BBS7: variants seen among roughly 807,000 people sequenced by gnomAD.
The protein encoded by BBS7 is BBSome complex member BBS7.
Under a neutral mutation model 90.3 loss-of-function variants are expected in BBS7, and 50 were observed. The ratio of observed to expected loss-of-function variants is 0.55; its 90% CI spans 0.44 to 0.70. The LOEUF (loss-of-function observed/expected upper bound fraction) is 0.70. BBS7 is among the 30% of genes least tolerant of loss of function. BBS7 has a pLI of 0.00. For missense variants in BBS7, 729 were observed against 838.9 expected (o/e 0.87, Z 1.62); for synonymous variants, 235 against 287.4 (o/e 0.82, Z 1.85).
At chr4:121,865,903 A>AT (rs1176073370) in intron 2 of BBS7, among the ~76,000 whole-genome samples, 1 of 152,090 alleles carries the variant, frequency 6.6e-6, no homozygotes, top group Non-Finnish European at 1.5e-5. Context: ...TGTCTTTTTG[A>AT]TAACAGCCAT....
chr4:121,851,300 T>G, intron 8 of BBS7, among the ~76,000 whole-genome samples: 1 of 151,774 alleles, frequency 6.6e-6, no homozygotes, highest in South Asian at 2.1e-4. Context: ...TGAAATTCAT[T>G]TATCTTATGT....
chr4:121,845,704 A>AAAACACAT lies in BBS7; in HGVS notation c.1038-16_1038-9dup. Reference sequence around the variant, plus strand: ...AAATGTTCCAACTCATTCCTGGAGAAAAACACATACAAATTTGTCAAATAT... The same window carrying AAAACACAT: ...AAATGTTCCAACTCATTCCTGGAGAAAAACACATAAACACATACAAATTTGTCAAATAT... On this transcript the variant is annotated splice_polypyrimidine_tract_variant and intron_variant, in intron 10 of 18. Transcript: ENST00000264499. The AAAACACAT allele has an allele frequency of 6.2e-7, 1 of 1,608,306 alleles. No individual in the cohort carries two copies. The highest frequency in any genetic ancestry group is 8.5e-7 in the Non-Finnish European group (1 of 1,175,324).
Position 121,828,679 on chromosome 4 carries a change from G to C in BBS7, c.1726C>G (p.Leu576Val). Residue 576 changes from leucine to valine, a missense_variant, in exon 16 of 19, where the codon CTA becomes GTA. Physicochemically the swap from Leu to Val is conservative, Grantham distance 32 (BLOSUM62 1). Transcript: ENST00000264499. The stretch of plus-strand genomic sequence containing the variant: ...GCTTCTTTAGAAAGCACATCTTTTA[G>C]GATGGAGATAGTAGAAATGTTGTCA... Reference protein sequence around the residue: ...KSDNISTISILKDVLSKEATK... With the variant: ...KSDNISTISIVKDVLSKEATK... The C allele has an allele frequency of 6.2e-7, 1 of 1,609,470 alleles. No homozygotes were observed. The highest frequency in any genetic ancestry group is 2.2e-5 in the East Asian group (1 of 44,696).
In BBS7 at chr4:121,835,205, G is replaced by A. The variant is rs747889031; in HGVS notation, c.1450C>T (p.Arg484Cys). ...GAAAGAGGTTTGATGTGGTACTGGCGGACCTGACAGGTTTTGGGTTGAATT... is the reference window on the plus strand; with the variant it reads ...GAAAGAGGTTTGATGTGGTACTGGCAGACCTGACAGGTTTTGGGTTGAATT... ...PRIQPKTCQV[R>C]QYHIKPLSLH... Residue 484 changes from arginine (R) to cysteine (C), a missense_variant, in exon 14 of 19, where the codon CGC becomes TGC. Arg to Cys is a radical substitution (Grantham distance 180). Transcript: ENST00000264499. The A allele has an allele frequency of 9.9e-6, 16 of 1,613,722 alleles. No individual in the cohort carries two copies. The highest frequency in any genetic ancestry group is 1.6e-4 in the Middle Eastern group (1 of 6,082).
At chr4:121,859,696 T>C (rs977790857) in intron 4 of BBS7, among the ~76,000 whole-genome samples, 3 of 152,122 alleles carry the variant, frequency 2.0e-5, no homozygotes, top group Non-Finnish European at 2.9e-5. Context: ...GTTAGCTTTC[T>C]TACTACCACA....
intron 6 of BBS7, 135 bp downstream of exon 6, chr4:121,855,354 C>A: frequency 1.2e-6 from 1 of 813,676 alleles, no homozygotes; most frequent in Non-Finnish European, 2.1e-6. Context: ...AGTTCAATAA[C>A]TCGTGCTGTT....
chr4:121,826,858 C>T (rs1724937716), intron 18 of BBS7, among the ~76,000 whole-genome samples: 2 of 152,082 alleles, frequency 1.3e-5, no homozygotes, highest in African/African-American at 4.8e-5. Context: ...GTGGCGCACA[C>T]CTGTAATCGC....
At chr4:121,840,435 G>A (rs1294439387) in intron 12 of BBS7, among the ~76,000 whole-genome samples, 1 of 152,186 alleles carries the variant, frequency 6.6e-6, no homozygotes, top group East Asian at 1.9e-4. Context: ...ATACACCAGA[G>A]TTTAATATTG....
At chr4:121,826,023 A>C in intron 18 of BBS7, 30 bp from the exon 19 acceptor site, 1 of 1,544,940 alleles carries the variant, frequency 6.5e-7, no homozygotes, top group Non-Finnish European at 8.9e-7. Context: ...ATTTCCTGTC[A>C]GTGATTAGTT....
chr4:121,832,758 A>C (rs192552980), intron 15 of BBS7, among the ~76,000 whole-genome samples: 2 of 152,340 alleles, frequency 1.3e-5, no homozygotes, highest in African/African-American at 4.8e-5. Context: ...TTTTATTGGA[A>C]TTAGGATAAA....
intron 7 of BBS7, 70 bp downstream of exon 7, chr4:121,854,634 A>G (rs1371762562): frequency 2.1e-6 from 3 of 1,422,214 alleles, no homozygotes; most frequent in Non-Finnish European, 1.9e-6. Context: ...ATAAAATAGA[A>G]TAAATTATAT....
In BBS7 at chr4:121,869,904, T is replaced by C. The variant is rs146786562; in HGVS notation, c.36+374A>G. Among the ~76,000 whole-genome samples, 323 of 152,242 alleles carry C rather than the reference T, an allele frequency of 2.1e-3. 3 individuals carry two copies. The highest frequency in any genetic ancestry group is 7.2e-3 in the African/African-American group (301 of 41,540). Reference sequence around the variant, plus strand: ...CAGCTCACAGTAAGAAACAAGTGCCTGGTGCTCCGCAAAAGGGTCCGGGTA... The same window carrying C: ...CAGCTCACAGTAAGAAACAAGTGCCCGGTGCTCCGCAAAAGGGTCCGGGTA... On this transcript the variant is annotated intron_variant, in intron 1 of 18. Transcript: ENST00000264499.
At chr4:121,864,872 A>G (rs1727174578) in intron 2 of BBS7, among the ~76,000 whole-genome samples, 1 of 152,210 alleles carries the variant, frequency 6.6e-6, no homozygotes, top group African/African-American at 2.4e-5. Flanking sequence ...CATATCCATC[A>G]TCTAAAATAC....
At chr4:121,851,359 C>A (rs554844419) in intron 8 of BBS7, among the ~76,000 whole-genome samples, 1 of 142,582 alleles carries the variant, frequency 7.0e-6, no homozygotes, top group South Asian at 2.3e-4. Context: ...TATGGGGTAG[C>A]CCTGTTCTGC....
chr4:121,855,113 G>C (rs1376081598), intron 6 of BBS7, among the ~76,000 whole-genome samples: 11 of 152,002 alleles, frequency 7.2e-5, no homozygotes, highest in Admixed American at 2.6e-4. Flanking sequence ...AGGAGTTCCA[G>C]ACTAACCTGG....
At chr4:121,866,168 AT>A in intron 2 of BBS7, among the ~76,000 whole-genome samples, 1 of 151,738 alleles carries the variant, frequency 6.6e-6, no homozygotes, top group Non-Finnish European at 1.5e-5. Context: ...CATTCTATAG[AT>A]TGTCTTTTCA....
At chr4:121,837,209 C>T (rs147248309) in intron 13 of BBS7, among the ~76,000 whole-genome samples, 6,578 of 152,076 alleles carry the variant, frequency 0.043, 475 homozygotes, top group African/African-American at 0.15. Flanking sequence ...TCAAGTGATC[C>T]GCCTGCCTTG....
intron 8 of BBS7, among the ~76,000 whole-genome samples, chr4:121,849,787 C>T (rs1726219176): frequency 6.6e-6 from 1 of 152,048 alleles, no homozygotes; most frequent in Non-Finnish European, 1.5e-5. Flanking sequence ...CTGAGATCGT[C>T]CCACTGTACT....
chr4:121,849,654 C>G (rs1453183617), intron 8 of BBS7, among the ~76,000 whole-genome samples: 4 of 151,954 alleles, frequency 2.6e-5, no homozygotes, highest in African/African-American at 9.7e-5. Context: ...TGGTGAAACC[C>G]CATCTCTACT....
Sources: allele counts gnomAD v4.1 joint callset (sites outside exome capture counted in the v4.1 genomes callset), GRCh38; gene constraint gnomAD v4.1.1; transcripts MANE v1.5; gene names NCBI Gene and HGNC (gene_info 2026-07-23, HGNC 2026-07-21).